The following FGF12 variants were observed in gnomAD, a reference collection of about 807,000 sequenced individuals.
The protein encoded by FGF12 is fibroblast growth factor 12, also known as fibroblast growth factor 12B.
A neutral mutation model predicts 23.6 loss-of-function variants in FGF12; 14 were observed. The ratio of observed to expected loss-of-function variants is 0.59; its 90% CI spans 0.39 to 0.93. The LOEUF (loss-of-function observed/expected upper bound fraction) is 0.93, where lower values mean the gene tolerates loss of function less well. FGF12 is among the 40% of genes least tolerant of loss of function. The probability of loss-of-function intolerance (pLI) is 0.00; values close to 1 mark genes in which losing one functional copy is unlikely to be tolerated. For missense variants in FGF12, 175 were observed against 217.8 expected (o/e 0.80, Z 1.24); for synonymous variants, 62 against 77.3 (o/e 0.80, Z 1.04).
At position 192,171,886 on chromosome 3, in the gene FGF12, CTCTT is replaced by C. The variant is rs202242980; in HGVS notation, c.229-1234_229-1231del. ...TATTTGTAGAGAGTGCTCTCTCTCTCTCTTTCTCTCCCTCTCTCCTTTTTTTTCT... is the reference window on the plus strand; with the variant it reads ...TATTTGTAGAGAGTGCTCTCTCTCTCTCTCTCCCTCTCTCCTTTTTTTTCT... On this transcript the variant is annotated intron_variant, in intron 4 of 5. Transcript: ENST00000445105. 3.2e-3 allele frequency among the ~76,000 whole-genome samples: 490 copies of C among 151,776 alleles called. 1 individual carries two copies. Among genetic ancestry groups the C allele is most frequent in the African/African-American group, 0.011 (474 of 41,358 alleles).
intron 4 of FGF12, among the ~76,000 whole-genome samples, chr3:192,177,073 A>G (rs960412708): frequency 2.0e-5 from 3 of 152,248 alleles, no homozygotes; most frequent in Admixed American, 2.0e-4. Flanking sequence ...AGAATTGTCC[A>G]GGACACATGG....
chr3:192,347,113 C>T (rs1238151578), intron 3 of FGF12, among the ~76,000 whole-genome samples: 1 of 152,028 alleles, frequency 6.6e-6, no homozygotes, highest in East Asian at 1.9e-4. Context: ...AATAAAATTG[C>T]CTGGAATTGA....
At chr3:192,561,509 C>T (rs907002677) in intron 2 of FGF12, among the ~76,000 whole-genome samples, 3 of 152,022 alleles carry the variant, frequency 2.0e-5, no homozygotes, top group African/African-American at 7.3e-5. Flanking sequence ...ACTACAGGCA[C>T]CCGCCACCAC....
At chr3:192,330,611 G>C (rs1717062414) in intron 4 of FGF12, among the ~76,000 whole-genome samples, 1 of 152,082 alleles carries the variant, frequency 6.6e-6, no homozygotes, top group African/African-American at 2.4e-5. Flanking sequence ...GCTGAGGCAG[G>C]AGAATCGCTT....
At chr3:192,340,677 A>G (rs942164610) in intron 3 of FGF12, among the ~76,000 whole-genome samples, 1 of 152,172 alleles carries the variant, frequency 6.6e-6, no homozygotes, top group African/African-American at 2.4e-5. Context: ...AAAACTTCAC[A>G]GAAAAAAGGT....
At chr3:192,418,953 CA>C (rs1403454176) in intron 2 of FGF12, among the ~76,000 whole-genome samples, 6 of 152,210 alleles carry the variant, frequency 3.9e-5, no homozygotes, top group African/African-American at 1.4e-4. Flanking sequence ...ACACCTTCTA[CA>C]TACCATGCAC....
chr3:192,178,022 C>T (rs1391322304), intron 4 of FGF12, among the ~76,000 whole-genome samples: 1 of 151,916 alleles, frequency 6.6e-6, no homozygotes, highest in Non-Finnish European at 1.5e-5. Flanking sequence ...AATTAAACAA[C>T]AAATCGACTC....
rs190336200 is a variant in FGF12, at chr3:192,195,411, G to A, written c.229-24755C>T. 1.8e-4 allele frequency among the ~76,000 whole-genome samples: 28 copies of A among 152,274 alleles called. No homozygotes were observed. In the East Asian group the frequency reaches 5.2e-3, roughly 28 times the overall value. On this transcript the variant is annotated intron_variant, in intron 4 of 5. Transcript: ENST00000445105. ...CAAAAACAGAGCACATGTGCAAATGGTGGTCCCATAAGCTTGTAACACTGA... is the reference window on the plus strand; with the variant it reads ...CAAAAACAGAGCACATGTGCAAATGATGGTCCCATAAGCTTGTAACACTGA...
At chr3:192,484,985 T>C (rs1054363212) in intron 2 of FGF12, among the ~76,000 whole-genome samples, 3 of 151,242 alleles carry the variant, frequency 2.0e-5, no homozygotes, top group Admixed American at 1.3e-4. Context: ...TTAAATTTTA[T>C]ATGTGTACAC....
chr3:192,481,624 A>G (rs959096858), intron 2 of FGF12, among the ~76,000 whole-genome samples: 4 of 152,204 alleles, frequency 2.6e-5, no homozygotes, highest in Non-Finnish European at 5.9e-5. Context: ...GCAGCCTCCT[A>G]TCCATGGCCA....
At position 192,630,719 on chromosome 3, in the gene FGF12, A is replaced by AT. The variant is rs372293531; in HGVS notation, c.13+96461dup. ...AGGCGCCCGCCACCACGCCCGGCTA[A>AT]TTTTTTTTTTTTGTATTTTTAGTAG... On this transcript the variant is annotated intron_variant, in intron 2 of 5. Transcript: ENST00000445105. 3.4e-3 allele frequency among the ~76,000 whole-genome samples: 490 copies of AT among 145,412 alleles called. 3 individuals carry two copies. The highest frequency in any genetic ancestry group is 0.019 in the South Asian group (88 of 4,514).
intron 4 of FGF12, among the ~76,000 whole-genome samples, chr3:192,201,376 T>C (rs1717358401): frequency 6.6e-6 from 1 of 152,222 alleles, no homozygotes; most frequent in African/African-American, 2.4e-5. Context: ...CAAAGCTTTA[T>C]CAAGAAGGTG....
chr3:192,240,169 T>G (rs1028890333), intron 4 of FGF12, among the ~76,000 whole-genome samples: 8 of 152,166 alleles, frequency 5.3e-5, no homozygotes, highest in Non-Finnish European at 1.0e-4. Flanking sequence ...ACAGATGCAT[T>G]CATGCTTCAT....
chr3:192,660,718 AT>A lies in FGF12; in HGVS notation c.13+66462del, dbSNP rs1716633132. On this transcript the variant is annotated intron_variant, in intron 2 of 5. Coordinates refer to ENST00000445105, the MANE Select transcript of FGF12 (RefSeq NM_004113.6). The stretch of plus-strand genomic sequence containing the variant: ...CATTGGAAGCAGGAGATACTTCCTT[AT>A]TTAGGCAGAACCATACTAATAGACC... Among the ~76,000 whole-genome samples the A allele has an allele frequency of 2.0e-5, 3 of 152,154 alleles. No individual in the cohort carries two copies. The South Asian group carries it at 6.2e-4, about 32-fold the overall frequency.
chr3:192,719,801 A>AG (rs1718983011), intron 2 of FGF12, among the ~76,000 whole-genome samples: 1 of 131,262 alleles, frequency 7.6e-6, no homozygotes, highest in Non-Finnish European at 1.6e-5. Flanking sequence ...AAAAAAAAAA[A>AG]AAAGAAAAAC....
At chr3:192,672,136 G>A (rs1717147229) in intron 2 of FGF12, among the ~76,000 whole-genome samples, 1 of 138,452 alleles carries the variant, frequency 7.2e-6, no homozygotes, top group Non-Finnish European at 1.7e-5. Flanking sequence ...ACAATAAAAG[G>A]AAATAATACA....
intron 4 of FGF12, among the ~76,000 whole-genome samples, chr3:192,245,411 C>T (rs560400775): frequency 1.3e-5 from 2 of 152,260 alleles, no homozygotes; most frequent in South Asian, 2.1e-4. Context: ...AGCCCCCATG[C>T]CCGGCCAAGG....
At chr3:192,526,491 C>A (rs550801804) in intron 2 of FGF12, among the ~76,000 whole-genome samples, 1 of 152,190 alleles carries the variant, frequency 6.6e-6, no homozygotes, top group South Asian at 2.1e-4. Context: ...GTTTGTGTCA[C>A]AATTAGTTGG....
At chr3:192,482,042 C>T (rs1181918278) in intron 2 of FGF12, among the ~76,000 whole-genome samples, 1 of 152,018 alleles carries the variant, frequency 6.6e-6, no homozygotes, top group African/African-American at 2.4e-5. Context: ...CTCCTGGGCC[C>T]AATGTTTGCT....
Sources: allele counts gnomAD v4.1 joint callset (sites outside exome capture counted in the v4.1 genomes callset), GRCh38; gene constraint gnomAD v4.1.1; transcripts MANE v1.5; gene names NCBI Gene and HGNC (gene_info 2026-07-23, HGNC 2026-07-21).